Variants in LPAR1 observed in about 807,000 individuals in gnomAD.
LPAR1 encodes lysophosphatidic acid receptor 1, also known as LPA receptor 1.
A neutral mutation model predicts 23.8 loss-of-function variants in LPAR1; 5 were observed. That is an observed-to-expected ratio of 0.21 (90% CI 0.11 to 0.44). The LOEUF (loss-of-function observed/expected upper bound fraction) is 0.44, where lower values mean the gene tolerates loss of function less well. Among genes scored for constraint, LPAR1 ranks in the 20% least tolerant of loss-of-function variants. The pLI, the probability that LPAR1 is intolerant of heterozygous loss-of-function variation, is 0.99. For missense variants in LPAR1, 311 were observed against 482.8 expected, an observed-to-expected ratio of 0.64 and a Z score of 3.33; for synonymous variants, 160 against 164.7, an observed-to-expected ratio of 0.97 and a Z score of 0.22.
intron 2 of LPAR1, among the ~76,000 whole-genome samples, chr9:111,002,420 G>A (rs2097144634): frequency 6.6e-6 from 1 of 152,154 alleles, no homozygotes; most frequent in South Asian, 2.1e-4. Flanking sequence ...GGTAATATGT[G>A]TATGTATTCT....
chr9:110,891,269 C>T (rs2084072278), intron 5 of LPAR1, among the ~76,000 whole-genome samples: 1 of 152,042 alleles, frequency 6.6e-6, no homozygotes, highest in Admixed American at 6.5e-5. Flanking sequence ...GCAAGATAAT[C>T]ATCATCTAGC....
Position 110,972,123 on chromosome 9 carries a change from C to G in LPAR1, c.-6G>C. 6.2e-7 allele frequency: 1 copy of G among 1,613,954 alleles called. No individual in the cohort carries two copies. Reference sequence around the variant, plus strand: ...GAAGTAGAGATGGCAGCCATGACAGCTCTGTGGTTGTAGGTGGTGAACACG... The same window carrying G: ...GAAGTAGAGATGGCAGCCATGACAGGTCTGTGGTTGTAGGTGGTGAACACG... On this transcript the variant is annotated 5_prime_UTR_variant, in exon 4 of 6. Coordinates refer to ENST00000683809, the MANE Select transcript of LPAR1 (RefSeq NM_001351411.2).
At chr9:110,968,119 C>T (rs888648167) in intron 4 of LPAR1, among the ~76,000 whole-genome samples, 1 of 152,188 alleles carries the variant, frequency 6.6e-6, no homozygotes, top group African/African-American at 2.4e-5. Flanking sequence ...GACCATTAAG[C>T]TAACAAAGAC....
chr9:110,953,520 G>A (rs1056250640), intron 4 of LPAR1, among the ~76,000 whole-genome samples: 9 of 152,020 alleles, frequency 5.9e-5, no homozygotes, highest in Non-Finnish European at 7.4e-5. Flanking sequence ...AAAATTAGCC[G>A]GGCATGGTGG....
chr9:111,024,426 T>TATAC (rs1564370430), intron 2 of LPAR1, among the ~76,000 whole-genome samples: 1 of 147,700 alleles, frequency 6.8e-6, no homozygotes, highest in Non-Finnish European at 1.5e-5. Context: ...TATATTTATA[T>TATAC]ATACATATAT....
At chr9:111,020,405 G>T (rs561859693) in intron 2 of LPAR1, among the ~76,000 whole-genome samples, 1 of 152,314 alleles carries the variant, frequency 6.6e-6, no homozygotes, top group African/African-American at 2.4e-5. Flanking sequence ...TTGTCCCAAG[G>T]TCATGGTGAC....
chr9:110,897,215 A>AGATGACTGAATCATGGGG (rs2086718817), intron 5 of LPAR1, among the ~76,000 whole-genome samples: 2 of 152,146 alleles, frequency 1.3e-5, no homozygotes, highest in African/African-American at 4.8e-5. Context: ...ACCCCATGGG[A>AGATGACTGAATCATGGGG]GATGACTGAA....
intron 2 of LPAR1, among the ~76,000 whole-genome samples, chr9:110,997,858 A>G (rs769090265): frequency 6.6e-6 from 1 of 152,248 alleles, no homozygotes; most frequent in Non-Finnish European, 1.5e-5. Flanking sequence ...AAGCTGGTGC[A>G]TAAGATGCTG....
intron 2 of LPAR1, among the ~76,000 whole-genome samples, chr9:111,034,666 G>A (rs985182648): frequency 1.3e-5 from 2 of 152,230 alleles, no homozygotes; most frequent in African/African-American, 4.8e-5. Flanking sequence ...TAAGTTACAC[G>A]GATTGTAATG....
At chr9:110,893,475 C>T (rs2085208581) in intron 5 of LPAR1, among the ~76,000 whole-genome samples, 1 of 152,268 alleles carries the variant, frequency 6.6e-6, no homozygotes, top group East Asian at 1.9e-4. Flanking sequence ...TCATGTACAA[C>T]AGGTCACTTA....
chr9:111,032,834 T>G (rs1023934584), intron 2 of LPAR1, among the ~76,000 whole-genome samples: 1 of 152,182 alleles, frequency 6.6e-6, no homozygotes, highest in African/African-American at 2.4e-5. Context: ...GCACACATAA[T>G]GGCCATAATG....
At chr9:110,907,959 CT>C (rs1164841225) in intron 5 of LPAR1, among the ~76,000 whole-genome samples, 1 of 117,640 alleles carries the variant, frequency 8.5e-6, no homozygotes, top group Admixed American at 8.4e-5. Flanking sequence ...ACACACACAG[CT>C]TTTCTGATTT....
At chr9:110,912,824 G>T (rs2092629050) in intron 5 of LPAR1, among the ~76,000 whole-genome samples, 1 of 152,050 alleles carries the variant, frequency 6.6e-6, no homozygotes, top group Non-Finnish European at 1.5e-5. Context: ...CAGATGAGAA[G>T]GGTTCCTTTC....
At chr9:110,993,646 T>C (rs1379767749) in intron 2 of LPAR1, among the ~76,000 whole-genome samples, 1 of 152,192 alleles carries the variant, frequency 6.6e-6, no homozygotes, top group South Asian at 2.1e-4. Flanking sequence ...GTTATCAATG[T>C]GTGTGTTGCA....
At chr9:110,935,406 T>G (rs10980642) in intron 5 of LPAR1, among the ~76,000 whole-genome samples, 28,116 of 125,872 alleles carry the variant, frequency 0.22, 3,648 homozygotes, top group East Asian at 0.67. Flanking sequence ...CTGGACCGAC[T>G]CCAGCCTTAA....
intron 5 of LPAR1, among the ~76,000 whole-genome samples, chr9:110,909,224 T>G (rs1261996872): frequency 6.6e-6 from 1 of 152,228 alleles, no homozygotes; most frequent in Non-Finnish European, 1.5e-5. Context: ...AAAAGCCTTC[T>G]TCCTTGGCAA....
chr9:110,946,643 T>C (rs1703710576), intron 4 of LPAR1, among the ~76,000 whole-genome samples: 1 of 152,006 alleles, frequency 6.6e-6, no homozygotes, highest in South Asian at 2.1e-4. Context: ...AGAAAGTGTA[T>C]ATAGTATTTA....
chr9:110,896,055 T>A (rs2086228828), intron 5 of LPAR1, among the ~76,000 whole-genome samples: 1 of 152,218 alleles, frequency 6.6e-6, no homozygotes, highest in Non-Finnish European at 1.5e-5. Flanking sequence ...TTCCTTTGTC[T>A]TCCTTTAGCT....
intron 2 of LPAR1, among the ~76,000 whole-genome samples, chr9:110,982,690 T>C (rs1361727873): frequency 6.6e-6 from 1 of 150,804 alleles, no homozygotes; most frequent in East Asian, 1.9e-4. Context: ...GACATAAAGA[T>C]TCAACATAAT....
Sources: gnomAD v4.1 joint callset for allele counts (sites outside exome capture counted in the v4.1 genomes callset) on GRCh38, gnomAD v4.1.1 for gene constraint, MANE v1.5 for transcripts, NCBI Gene and HGNC (gene_info 2026-07-23, HGNC 2026-07-21) for gene names.